Variants in SDK1 observed in about 807,000 individuals in gnomAD.
SDK1 encodes the protein protein sidekick-1.
A neutral mutation model predicts 245.5 loss-of-function variants in SDK1; 157 were observed. The observed-to-expected ratio is 0.64, with a 90% CI of 0.56 to 0.73. SDK1 has a LOEUF of 0.73. SDK1 is among the 30% of genes least tolerant of loss of function. The pLI is 0.00. For missense variants in SDK1, 3,583 were observed against 3,002.3 expected (o/e 1.19, Z -4.52); for synonymous variants, 1,647 against 1,278.5 (o/e 1.29, Z -6.15).
intron 4 of SDK1, among the ~76,000 whole-genome samples, chr7:3,772,357 A>T (rs117039545): frequency 0.019 from 2,903 of 152,222 alleles, 54 homozygotes; most frequent in Non-Finnish European, 0.03. Flanking sequence ...GCTGAACTTC[A>T]ATATTATACA....
chr7:3,785,513 A>G (rs1780873311), intron 4 of SDK1, among the ~76,000 whole-genome samples: 1 of 152,218 alleles, frequency 6.6e-6, no homozygotes, highest in African/African-American at 2.4e-5. Flanking sequence ...AAGATTTTAA[A>G]AAGTGGAGGC....
intron 5 of SDK1, among the ~76,000 whole-genome samples, chr7:3,839,112 T>A (rs1780095728): frequency 6.6e-6 from 1 of 152,196 alleles, no homozygotes; most frequent in Non-Finnish European, 1.5e-5. Context: ...TACTCTTTCC[T>A]GGGATGGATC....
intron 1 of SDK1, among the ~76,000 whole-genome samples, chr7:3,430,707 A>G (rs999100418): frequency 6.6e-6 from 1 of 152,178 alleles, no homozygotes; most frequent in Non-Finnish European, 1.5e-5. Flanking sequence ...TTCGTTAGGT[A>G]TCCGTGGCTT....
At chr7:3,913,200 C>A (rs1044248000) in intron 5 of SDK1, among the ~76,000 whole-genome samples, 1 of 152,076 alleles carries the variant, frequency 6.6e-6, no homozygotes, top group African/African-American at 2.4e-5. Context: ...TCCTGGCTCG[C>A]GCTAAGCGTA....
chr7:4,253,360 T>G (rs6966643), intron 44 of SDK1, among the ~76,000 whole-genome samples: 1 of 152,022 alleles, frequency 6.6e-6, no homozygotes, highest in Non-Finnish European at 1.5e-5. Context: ...AATATTTTTT[T>G]AATTTTCTGT....
At chr7:4,202,128 C>T (rs1187169599) in intron 35 of SDK1, among the ~76,000 whole-genome samples, 1 of 152,216 alleles carries the variant, frequency 6.6e-6, no homozygotes, top group Non-Finnish European at 1.5e-5. Flanking sequence ...GACATGCTCT[C>T]TGGGCCCCGA....
chr7:3,387,513 G>C (rs114963443), intron 1 of SDK1, among the ~76,000 whole-genome samples: 1 of 152,182 alleles, frequency 6.6e-6, no homozygotes, highest in Admixed American at 6.5e-5. Flanking sequence ...CCAACATCAT[G>C]TAAGAGCTGC....
intron 14 of SDK1, among the ~76,000 whole-genome samples, chr7:4,002,986 C>T (rs1192138655): frequency 6.6e-6 from 1 of 152,220 alleles, no homozygotes; most frequent in Non-Finnish European, 1.5e-5. Flanking sequence ...GGAGCCCTAG[C>T]CCTTTGCTAC....
chr7:3,413,213 A>G (rs1779261329), intron 1 of SDK1, among the ~76,000 whole-genome samples: 1 of 152,146 alleles, frequency 6.6e-6, no homozygotes, highest in African/African-American at 2.4e-5. Context: ...ATCTTGAGCC[A>G]AGAGTAGGCC....
intron 14 of SDK1, among the ~76,000 whole-genome samples, chr7:3,998,315 G>A (rs1027250113): frequency 2.6e-5 from 4 of 152,246 alleles, no homozygotes; most frequent in African/African-American, 9.6e-5. Context: ...GCAGCGGCAG[G>A]CTGTCTAGAG....
chr7:3,808,097 AC>A (rs1779295681), intron 4 of SDK1, among the ~76,000 whole-genome samples: 1 of 152,126 alleles, frequency 6.6e-6, no homozygotes, highest in Non-Finnish European at 1.5e-5. Context: ...CTTGATGTTA[AC>A]CCCTGGTTGC....
intron 5 of SDK1, among the ~76,000 whole-genome samples, chr7:3,865,687 T>C (rs1583491019): frequency 6.6e-6 from 1 of 151,924 alleles, no homozygotes; most frequent in Non-Finnish European, 1.5e-5. Flanking sequence ...TTTTTTCTTT[T>C]TTTTTTTTTT....
At chr7:3,930,096 A>G (rs1264224436) in intron 5 of SDK1, among the ~76,000 whole-genome samples, 3 of 152,162 alleles carry the variant, frequency 2.0e-5, no homozygotes, top group African/African-American at 4.8e-5. Flanking sequence ...GAGGTGATGT[A>G]TGTGTAACCC....
At chr7:3,383,556 C>T (rs1456142665) in intron 1 of SDK1, among the ~76,000 whole-genome samples, 1 of 152,162 alleles carries the variant, frequency 6.6e-6, no homozygotes, top group Non-Finnish European at 1.5e-5. Flanking sequence ...TAAAAAGTAT[C>T]TGGCTAATTG....
At chr7:4,076,495 G>A (rs1256012932) in intron 20 of SDK1, among the ~76,000 whole-genome samples, 1 of 152,218 alleles carries the variant, frequency 6.6e-6, no homozygotes, top group Non-Finnish European at 1.5e-5. Flanking sequence ...GGTTGAGGCT[G>A]CAGTGAGCTA....
intron 5 of SDK1, among the ~76,000 whole-genome samples, chr7:3,943,073 A>G (rs947328778): frequency 2.0e-5 from 3 of 152,196 alleles, no homozygotes; most frequent in East Asian, 1.9e-4. Flanking sequence ...CGCCAGGAGC[A>G]CTCGGCTGTG....
Position 4,019,659 on chromosome 7 carries a change from G to A in SDK1, c.2602+2307G>A, listed in dbSNP as rs535319228. Among the ~76,000 whole-genome samples, 24 of 151,968 alleles carry A rather than the reference G, an allele frequency of 1.6e-4. No homozygotes were observed. The South Asian group carries it at 2.9e-3, about 18-fold the overall frequency. On this transcript the variant is annotated intron_variant, in intron 17 of 44. Coordinates refer to ENST00000404826, the MANE Select transcript of SDK1 (RefSeq NM_152744.4). ...TGAACGTTAGTGGATAATGCTGCACGTGCAGTTTCCCATCTGCAGCTCGGC... is the reference window on the plus strand; with the variant it reads ...TGAACGTTAGTGGATAATGCTGCACATGCAGTTTCCCATCTGCAGCTCGGC...
At chr7:3,522,300 G>T (rs1046657166) in intron 1 of SDK1, among the ~76,000 whole-genome samples, 25 of 152,240 alleles carry the variant, frequency 1.6e-4, no homozygotes, top group African/African-American at 5.8e-4. Context: ...TATAGAGAGA[G>T]CTAAAAATTC....
At position 3,721,435 on chromosome 7, in the gene SDK1, T is replaced by C. The variant is rs144854206; in HGVS notation, c.713+79330T>C. On this transcript the variant is annotated intron_variant, in intron 4 of 44. Coordinates refer to ENST00000404826, the MANE Select transcript of SDK1 (RefSeq NM_152744.4). ...TTCTTTGAACTCCTCGTAAATCTAA[T>C]TATTTCAAAATAAAATGAATTAAAG... Among the ~76,000 whole-genome samples the C allele has an allele frequency of 8.6e-3, 1,310 of 152,280 alleles. 23 individuals carry two copies. The highest frequency in any genetic ancestry group is 0.029 in the African/African-American group (1,225 of 41,556).
Sources: allele counts gnomAD v4.1 joint callset (sites outside exome capture counted in the v4.1 genomes callset), GRCh38; gene constraint gnomAD v4.1.1; transcripts MANE v1.5; gene names NCBI Gene and HGNC (gene_info 2026-07-23, HGNC 2026-07-21).